Variants in HDAC1 observed in about 807,000 individuals in gnomAD.
The protein encoded by HDAC1 is histone deacetylase 1, also known as protein deacetylase HDAC1.
HDAC1 carries 18 observed loss-of-function variants against 65.5 expected under a neutral mutation model. That is an observed-to-expected ratio of 0.27 (90% CI 0.19 to 0.41). HDAC1 has a LOEUF of 0.41. HDAC1 is among the 10% of genes least tolerant of loss of function. The pLI, the probability that HDAC1 is intolerant of heterozygous loss-of-function variation, is 1.00. For missense variants in HDAC1, 373 were observed against 625.2 expected (o/e 0.60, Z 4.30); for synonymous variants, 211 against 227.9 (o/e 0.93, Z 0.67).
Position 32,333,050 on chromosome 1 carries a change from C to T in HDAC1, c.*6C>T, listed in dbSNP as rs1278901831. The stretch of plus-strand genomic sequence containing the variant: ...AGGAGGTCAAGTTGGCCTGAATGGA[C>T]CTCTCCAGCTCTGGCTTCCTGCTGA... On this transcript the variant is annotated 3_prime_UTR_variant, in exon 14 of 14. Transcript: ENST00000373548. 1.2e-6 allele frequency: 2 copies of T among 1,613,046 alleles called. No homozygotes were observed. Among genetic ancestry groups the T allele is most frequent in the African/African-American group, 2.7e-5 (2 of 75,046 alleles).
At chr1:32,295,984 G>A (rs1640762530) in intron 1 of HDAC1, among the ~76,000 whole-genome samples, 1 of 152,110 alleles carries the variant, frequency 6.6e-6, no homozygotes, top group Non-Finnish European at 1.5e-5. Context: ...CTAAGGAAGT[G>A]GATTGAGGAA....
chr1:32,316,283 C>CAAAAAAAAAAAAAAAA lies in HDAC1; in HGVS notation c.163-371_163-370insAAAAAAAAAAAAAAAA, dbSNP rs879826419. 9.3e-5 allele frequency among the ~76,000 whole-genome samples: 13 copies of CAAAAAAAAAAAAAAAA among 139,416 alleles called. 1 individual carries two copies. The highest frequency in any genetic ancestry group is 4.0e-4 in the East Asian group (2 of 5,022). The allele number at this position is 139,416 out of a possible 152,430, so 91.5% of individuals were successfully genotyped here. A position where few individuals can be genotyped will look rare whatever the true frequency, so the allele number is the denominator to read the frequency against. ...TGGGAGACAGAGCGAGACTCCGTCT[C>CAAAAAAAAAAAAAAAA]AAAAAAAAAAAGTAATAATTTTGTA... On this transcript the variant is annotated intron_variant, in intron 2 of 13. Transcript: ENST00000373548.
chr1:32,307,525 A>G (rs1353432942), intron 2 of HDAC1, among the ~76,000 whole-genome samples: 3 of 152,234 alleles, frequency 2.0e-5, no homozygotes, highest in African/African-American at 7.2e-5. Flanking sequence ...ACAGGTGGGT[A>G]GTATACAGTG....
At position 32,330,554 on chromosome 1, in the gene HDAC1, G is replaced by C; in HGVS notation, c.730-24G>C. ...CTCGTATTGCTTTCTTGAGGTTGGTGGTGACCAGGATGTATCATTTTAGGT... is the reference window on the plus strand; with the variant it reads ...CTCGTATTGCTTTCTTGAGGTTGGTCGTGACCAGGATGTATCATTTTAGGT... On this transcript the variant is annotated intron_variant, in intron 7 of 13. Coordinates refer to ENST00000373548, the MANE Select transcript of HDAC1 (RefSeq NM_004964.3). This position sits in a 1 kb window ranked among gnomAD's most constrained non-coding sequence, Gnocchi z 4.2. 6.5e-7 allele frequency: 1 copy of C among 1,528,080 alleles called. No individual in the cohort carries two copies. The highest frequency in any genetic ancestry group is 1.1e-5 in the South Asian group (1 of 89,226). The allele number at this position is 1,528,080 out of a possible 1,614,324, so 94.7% of individuals were successfully genotyped here.
At position 32,292,162 on chromosome 1, in the gene HDAC1, C is replaced by A. The variant is rs779780173; in HGVS notation, c.-8C>A. 12 of 1,548,066 alleles carry A rather than the reference C, an allele frequency of 7.8e-6. No homozygotes were observed. Among genetic ancestry groups the A allele is most frequent in the South Asian group, 1.2e-5 (1 of 83,952 alleles). On this transcript the variant is annotated 5_prime_UTR_variant, in exon 1 of 14. Transcript: ENST00000373548. ...ACCGACTGACGGTAGGGACGGGAGG[C>A]GAGCAAGATGGCGCAGACGCAGGGC... is the stretch of plus-strand genomic sequence containing the variant.
chr1:32,316,098 C>A (rs1335065084), intron 2 of HDAC1, among the ~76,000 whole-genome samples: 1 of 151,738 alleles, frequency 6.6e-6, no homozygotes, highest in African/African-American at 2.4e-5. Flanking sequence ...CTAGCTAACA[C>A]GGTGAAACCC....
chr1:32,328,916 T>G (rs1369849733), intron 6 of HDAC1, 152 bp from the exon 7 acceptor site: 10 of 641,196 alleles, frequency 1.6e-5, no homozygotes, highest in Non-Finnish European at 2.8e-5. Context: ...GTGAAGAGAA[T>G]GGTACTAACA....
chr1:32,304,011 G>C (rs1158981792), intron 2 of HDAC1, among the ~76,000 whole-genome samples: 1 of 152,168 alleles, frequency 6.6e-6, no homozygotes, highest in African/African-American at 2.4e-5. Flanking sequence ...ACAAGTGAAG[G>C]GTTTTAAATG....
chr1:32,315,944 GAC>G (rs1641055749), intron 2 of HDAC1, among the ~76,000 whole-genome samples: 1 of 150,092 alleles, frequency 6.7e-6, no homozygotes, highest in African/African-American at 2.5e-5. Flanking sequence ...CAGCCTGGGT[GAC>G]AGAGTGAGAC....
chr1:32,303,475 CA>C (rs1166498047), intron 2 of HDAC1, among the ~76,000 whole-genome samples: 1 of 151,616 alleles, frequency 6.6e-6, no homozygotes, highest in East Asian at 1.9e-4. Flanking sequence ...CAAAACAAAA[CA>C]AAAAAACCAA....
At chr1:32,314,317 T>C (rs111839992) in intron 2 of HDAC1, among the ~76,000 whole-genome samples, 28 of 152,188 alleles carry the variant, frequency 1.8e-4, no homozygotes, top group African/African-American at 6.5e-4. Flanking sequence ...CTTAGCCTCT[T>C]GAGTAGTTAG....
chr1:32,322,469 A>C (rs1478840805), intron 3 of HDAC1, among the ~76,000 whole-genome samples: 1 of 152,026 alleles, frequency 6.6e-6, no homozygotes, highest in Non-Finnish European at 1.5e-5. Flanking sequence ...GGGTTTCTCC[A>C]TGTTGGCCAG....
chr1:32,302,869 C>T, intron 2 of HDAC1, 136 bp downstream of exon 2: 1 of 620,952 alleles, frequency 1.6e-6, no homozygotes, highest in Non-Finnish European at 3.0e-6. Flanking sequence ...AAGGCAGGTA[C>T]TGTAAATGAT....
At chr1:32,295,525 A>G (rs1295896300) in intron 1 of HDAC1, among the ~76,000 whole-genome samples, 2 of 152,202 alleles carry the variant, frequency 1.3e-5, no homozygotes, top group Non-Finnish European at 2.9e-5. Context: ...TCTACTTCCA[A>G]TATGGTGCTT....
At chr1:32,332,598 C>A in intron 12 of HDAC1, 103 bp from the exon 13 acceptor site, 1 of 825,958 alleles carries the variant, frequency 1.2e-6, no homozygotes. Context: ...TCTTTATGTC[C>A]AGTGAGCTGT....
At chr1:32,315,896 C>G (rs1014505388) in intron 2 of HDAC1, among the ~76,000 whole-genome samples, 5 of 150,626 alleles carry the variant, frequency 3.3e-5, no homozygotes, top group Admixed American at 2.0e-4. Flanking sequence ...ACCCAGGAGG[C>G]GAAGGTTGCA....
At chr1:32,332,325 A>G in intron 12 of HDAC1, 83 bp downstream of exon 12, 1 of 1,292,932 alleles carries the variant, frequency 7.7e-7, no homozygotes, top group Non-Finnish European at 1.1e-6. Flanking sequence ...GGAGTGACTC[A>G]GGCCCTGCCA....
intron 3 of HDAC1, among the ~76,000 whole-genome samples, chr1:32,318,000 C>T (rs1641087184): frequency 6.6e-6 from 1 of 152,162 alleles, no homozygotes; most frequent in Non-Finnish European, 1.5e-5. Context: ...GCTCTTGTTG[C>T]CCAGGCTGGA....
At chr1:32,299,929 G>C (rs1266612283) in intron 1 of HDAC1, among the ~76,000 whole-genome samples, 3 of 152,146 alleles carry the variant, frequency 2.0e-5, no homozygotes, top group Admixed American at 2.0e-4. Flanking sequence ...TTGATGGCAG[G>C]CATCTGTAGT....
Sources: allele counts gnomAD v4.1 joint callset (sites outside exome capture counted in the v4.1 genomes callset), GRCh38; gene constraint gnomAD v4.1.1; non-coding constraint Gnocchi (gnomAD v3.1); transcripts MANE v1.5; gene names NCBI Gene and HGNC (gene_info 2026-07-23, HGNC 2026-07-21).